ITGA6: variants seen among roughly 807,000 people sequenced by gnomAD.
ITGA6 encodes integrin alpha-6.
A neutral mutation model predicts 133.6 loss-of-function variants in ITGA6; 63 were observed. The ratio of observed to expected loss-of-function variants is 0.47; its 90% CI spans 0.38 to 0.58. The LOEUF is 0.58. Among genes scored for constraint, ITGA6 ranks in the 20% least tolerant of loss-of-function variants. ITGA6 has a pLI of 0.00. For missense variants in ITGA6, 1,068 were observed against 1,309.4 expected, an observed-to-expected ratio of 0.82 and a Z score of 2.85; for synonymous variants, 434 against 482.0, an observed-to-expected ratio of 0.90 and a Z score of 1.30.
chr2:172,499,430 T>A (rs974222065), intron 24 of ITGA6, among the ~76,000 whole-genome samples: 1 of 152,180 alleles, frequency 6.6e-6, no homozygotes, highest in African/African-American at 2.4e-5. Flanking sequence ...AGTGGTGTGA[T>A]CATGGCTCAC....
At chr2:172,462,637 C>A (rs144165440) in intron 1 of ITGA6, among the ~76,000 whole-genome samples, 1 of 152,266 alleles carries the variant, frequency 6.6e-6, no homozygotes, top group South Asian at 2.1e-4. Flanking sequence ...ATTCTTTGTC[C>A]CACACGTATT....
chr2:172,487,475 C>A (rs1686737503), intron 15 of ITGA6, 22 bp downstream of exon 15: 1 of 1,611,304 alleles, frequency 6.2e-7, no homozygotes, highest in Non-Finnish European at 8.5e-7. Flanking sequence ...TAGAGACCAG[C>A]TGAGAGGGGA....
rs773592425 is a variant in ITGA6 at position 172,484,819 on chromosome 2, A to G, written c.1587A>G (p.Arg529=). The change falls in exon 12 of 26, where the codon AGA becomes AGG. Residue 529 remains arginine, a synonymous_variant. Transcript: ENST00000684293. The part of the protein sequence containing the change: ...VGTLEAEKER[R]KSGLSSRVQF... ...CACTTGAAGCTGAAAAAGAAAGAAG[A>G]AAATCTGGGCTATCCTCAAGAGTTC... 1 of 1,614,066 alleles carries G rather than the reference A, an allele frequency of 6.2e-7. No individual in the cohort carries two copies. The highest frequency in any genetic ancestry group is 1.3e-5 in the African/African-American group (1 of 74,940).
chr2:172,499,650 T>C (rs1687270496), intron 24 of ITGA6, among the ~76,000 whole-genome samples: 1 of 152,218 alleles, frequency 6.6e-6, no homozygotes, highest in Non-Finnish European at 1.5e-5. Context: ...ATGTGAGCCA[T>C]TGCACCCGGC....
At chr2:172,459,799 G>T (rs1457655643) in intron 1 of ITGA6, among the ~76,000 whole-genome samples, 1 of 152,188 alleles carries the variant, frequency 6.6e-6, no homozygotes, top group African/African-American at 2.4e-5. Context: ...TAGCCATGAA[G>T]GGCTGTTCCA....
Position 172,485,104 on chromosome 2 carries a change from G to A in ITGA6, c.1711-17G>A, listed in dbSNP as rs749486159. ...ATGTACACCCCACTTAACTCTGACT[G>A]CATGCTTTTCATGCAGGATAATATC... On this transcript the variant is annotated splice_polypyrimidine_tract_variant and intron_variant, in intron 12 of 25. Coordinates refer to ENST00000684293, the MANE Select transcript of ITGA6 (RefSeq NM_000210.4). 7 of 1,613,442 alleles carry A rather than the reference G, an allele frequency of 4.3e-6. No individual in the cohort carries two copies. The South Asian group carries it at 4.4e-5, about 10-fold the overall frequency.
At chr2:172,449,108 A>G (rs1286067945) in intron 1 of ITGA6, among the ~76,000 whole-genome samples, 1 of 152,182 alleles carries the variant, frequency 6.6e-6, no homozygotes, top group Admixed American at 6.5e-5. Context: ...GTGGATGGCC[A>G]GGGTGTGGCT....
intron 5 of ITGA6, chr2:172,472,915 T>G (rs1478068377): frequency 7.1e-7 from 1 of 1,399,794 alleles, no homozygotes; most frequent in Non-Finnish European, 1.0e-6. Context: ...CGACGACAAA[T>G]AAATTGTCTT....
At chr2:172,475,407 G>A (rs939471946) in intron 7 of ITGA6, among the ~76,000 whole-genome samples, 190 bp from the exon 8 acceptor site, 1 of 152,046 alleles carries the variant, frequency 6.6e-6, no homozygotes, top group Non-Finnish European at 1.5e-5. Context: ...TGGTTGCGGT[G>A]AGCCAAGATT....
intron 1 of ITGA6, among the ~76,000 whole-genome samples, chr2:172,448,048 G>A (rs1167730057): frequency 2.0e-5 from 3 of 152,042 alleles, no homozygotes; most frequent in African/African-American, 7.2e-5. Flanking sequence ...AATGTCACAT[G>A]AGCATCATAT....
At chr2:172,439,249 C>T (rs1684443595) in intron 1 of ITGA6, among the ~76,000 whole-genome samples, 1 of 151,806 alleles carries the variant, frequency 6.6e-6, no homozygotes, top group Admixed American at 6.6e-5. Flanking sequence ...TCTTTGTAAT[C>T]CTAGTCAATG....
At position 172,487,464 on chromosome 2, in the gene ITGA6, T is replaced by C; in HGVS notation, c.2160+11T>C. ...CTGAGGGCTTTCCCTGTAAGTATTGTTAGAGACCAGCTGAGAGGGGAAAAA... is the reference window on the plus strand; with the variant it reads ...CTGAGGGCTTTCCCTGTAAGTATTGCTAGAGACCAGCTGAGAGGGGAAAAA... On this transcript the variant is annotated intron_variant, in intron 15 of 25. Transcript: ENST00000684293. The C allele has an allele frequency of 6.2e-7, 1 of 1,613,074 alleles. No individual in the cohort carries two copies. Among genetic ancestry groups the C allele is most frequent in the East Asian group, 2.2e-5 (1 of 44,872 alleles).
chr2:172,477,854 T>C (rs1686245495), intron 9 of ITGA6, among the ~76,000 whole-genome samples: 1 of 152,240 alleles, frequency 6.6e-6, no homozygotes, highest in Admixed American at 6.5e-5. Flanking sequence ...TCTTCCTGAC[T>C]TGAATCCTGT....
At position 172,487,360 on chromosome 2, in the gene ITGA6, A is replaced by T. The variant is rs1265810872; in HGVS notation, c.2067A>T (p.Thr689=). 1 of 1,614,198 alleles carries T rather than the reference A, an allele frequency of 6.2e-7. No homozygotes were observed. ...TNSPSNPRNP[T]KDGDDAHEAK... is the part of the protein sequence containing the mutation. ...GCCCTTCCAACCCAAGGAATCCCAC[A>T]AAAGATGGCGATGACGCCCATGAGG... Residue 689 remains threonine (T), a synonymous_variant, in exon 15 of 26, where the codon ACA becomes ACT. Transcript: ENST00000684293.
chr2:172,486,197 A>AG (rs59713354), intron 13 of ITGA6, among the ~76,000 whole-genome samples: 5 of 150,190 alleles, frequency 3.3e-5, no homozygotes, highest in Admixed American at 6.6e-5. Context: ...AAAAAAAAAA[A>AG]CAACTAATTG....
intron 1 of ITGA6, among the ~76,000 whole-genome samples, chr2:172,442,858 A>G (rs898609833): frequency 6.6e-6 from 1 of 151,286 alleles, no homozygotes; most frequent in Non-Finnish European, 1.5e-5. Context: ...GGTTTGCTTC[A>G]TGACTTGTGG....
intron 1 of ITGA6, among the ~76,000 whole-genome samples, chr2:172,430,677 G>A (rs12053442): frequency 8.5e-5 from 13 of 152,162 alleles, no homozygotes; most frequent in South Asian, 8.3e-4. Flanking sequence ...AAAACATGTC[G>A]GGTGTTCCTA....
chr2:172,465,413 TA>T, intron 1 of ITGA6, 125 bp from the exon 2 acceptor site: 2 of 1,135,826 alleles, frequency 1.8e-6, no homozygotes, highest in Non-Finnish European at 2.6e-6. Flanking sequence ...ACTCACTGCC[TA>T]AGCTGTTGAA....
Position 172,479,706 on chromosome 2 carries a change from A to C in ITGA6, c.1454A>C (p.Gln485Pro), listed in dbSNP as rs1686346144. ...ACTCCTAACAGAATTGACCTCCGCC[A>C]GAAAACAGCGTGTGGGGCGCCTAGT... The part of the protein sequence containing the change: ...TVTPNRIDLR[Q>P]KTACGAPSGI... The change falls in exon 10 of 26, where the codon CAG (glutamine) becomes CCG (proline). Residue 485 changes from glutamine to proline, a missense_variant. Gln to Pro is a moderately conservative substitution (Grantham distance 76, BLOSUM62 -1). This residue lies in a region of ITGA6 where 609 missense variants were observed against 707.2 expected (regional missense o/e 0.86). Coordinates refer to ENST00000684293, the MANE Select transcript of ITGA6 (RefSeq NM_000210.4). The C allele has an allele frequency of 6.2e-7, 1 of 1,614,024 alleles. No individual in the cohort carries two copies.
Sources: allele counts gnomAD v4.1 joint callset (sites outside exome capture counted in the v4.1 genomes callset), GRCh38; gene constraint gnomAD v4.1.1; regional missense constraint gnomAD v4.1.1; transcripts MANE v1.5; gene names NCBI Gene and HGNC (gene_info 2026-07-23, HGNC 2026-07-21).